TENM2: variants seen among roughly 807,000 people sequenced by gnomAD.
TENM2 encodes the protein teneurin-2.
In TENM2, 52 loss-of-function variants were observed where a neutral mutation model predicts 245.2. The ratio of observed to expected loss-of-function variants is 0.21; its 90% CI spans 0.17 to 0.27. The LOEUF is 0.27. TENM2 is among the 10% of genes least tolerant of loss of function. TENM2 has a pLI of 1.00. For missense variants in TENM2, 3,046 were observed against 3,666.8 expected, an observed-to-expected ratio of 0.83 and a Z score of 4.37; for synonymous variants, 1,363 against 1,438.9, an observed-to-expected ratio of 0.95 and a Z score of 1.19.
chr5:167,084,353 A>ACG, the TENM2 span, among the ~76,000 whole-genome samples: 4 of 110,920 alleles, frequency 3.6e-5, no homozygotes, highest in African/African-American at 1.2e-4. Flanking sequence ...ATATATATAT[A>ACG]TATATATATA....
intron 4 of TENM2, among the ~76,000 whole-genome samples, chr5:167,992,406 G>C (rs866219631): frequency 6.6e-6 from 1 of 152,144 alleles, no homozygotes; most frequent in Non-Finnish European, 1.5e-5. Context: ...TCAATAGTAG[G>C]TATCTAGCTC....
intron 2 of TENM2, among the ~76,000 whole-genome samples, chr5:167,594,019 A>T (rs947347541): frequency 6.6e-6 from 1 of 152,206 alleles, no homozygotes; most frequent in Admixed American, 6.5e-5. Context: ...CCTCATGCAT[A>T]CTTAGACTCT....
At chr5:168,117,586 A>G (rs1440844491) in intron 9 of TENM2, among the ~76,000 whole-genome samples, 2 of 152,226 alleles carry the variant, frequency 1.3e-5, no homozygotes, top group Non-Finnish European at 2.9e-5. Flanking sequence ...TAAATTCCTT[A>G]TTGTACCATA....
chr5:167,420,261 C>T (rs1581991531), intron 2 of TENM2, among the ~76,000 whole-genome samples: 1 of 152,158 alleles, frequency 6.6e-6, no homozygotes, highest in Non-Finnish European at 1.5e-5. Flanking sequence ...ATCTTAAAAT[C>T]CAGTTCTCAA....
intron 3 of TENM2, among the ~76,000 whole-genome samples, chr5:167,912,642 T>C (rs1256973110): frequency 6.6e-6 from 1 of 152,152 alleles, no homozygotes. Context: ...GTTATTCCTG[T>C]GCCCTGAGAT....
the TENM2 span, among the ~76,000 whole-genome samples, chr5:167,035,634 A>C: frequency 6.6e-6 from 1 of 152,380 alleles, no homozygotes; most frequent in South Asian, 2.1e-4. Flanking sequence ...AGCTCAGGAT[A>C]CAATAGCGAA....
At chr5:167,551,502 C>G (rs1582366585) in intron 2 of TENM2, among the ~76,000 whole-genome samples, 1 of 152,120 alleles carries the variant, frequency 6.6e-6, no homozygotes, top group East Asian at 1.9e-4. Context: ...GTCTTTGACA[C>G]TAAACTCATG....
intron 2 of TENM2, among the ~76,000 whole-genome samples, chr5:167,480,422 G>A (rs1017217165): frequency 6.6e-6 from 1 of 152,152 alleles, no homozygotes; most frequent in African/African-American, 2.4e-5. Context: ...ATAAGGAGGT[G>A]AGCAAGAGTT....
At chr5:167,671,387 C>A (rs1042539998) in intron 2 of TENM2, among the ~76,000 whole-genome samples, 1 of 152,046 alleles carries the variant, frequency 6.6e-6, no homozygotes, top group Non-Finnish European at 1.5e-5. Context: ...AATTTTATAA[C>A]CTGATGTTTT....
the TENM2 span, among the ~76,000 whole-genome samples, chr5:167,163,091 G>A: frequency 4.7e-4 from 72 of 152,298 alleles, 1 homozygote; most frequent in Admixed American, 1.5e-3. Flanking sequence ...TTCACCTCCT[G>A]TCTGGTAACC....
intron 1 of TENM2, among the ~76,000 whole-genome samples, chr5:167,349,471 A>G (rs1263895369): frequency 2.6e-5 from 4 of 152,188 alleles, no homozygotes; most frequent in African/African-American, 9.7e-5. Flanking sequence ...TCTGAGAGTG[A>G]GCTAATTGTG....
At chr5:166,994,209 C>T in the TENM2 span, among the ~76,000 whole-genome samples, 1 of 152,182 alleles carries the variant, frequency 6.6e-6, no homozygotes, top group Non-Finnish European at 1.5e-5. Context: ...AGCAGAATAT[C>T]TGCTTTGTGA....
At chr5:167,984,256 TG>T (rs1433784941) in intron 4 of TENM2, among the ~76,000 whole-genome samples, 1 of 152,204 alleles carries the variant, frequency 6.6e-6, no homozygotes, top group African/African-American at 2.4e-5. Context: ...ATCATGATGA[TG>T]ACAATGAGGA....
intron 2 of TENM2, among the ~76,000 whole-genome samples, chr5:167,577,345 G>A (rs987755721): frequency 7.9e-5 from 12 of 152,152 alleles, no homozygotes; most frequent in Non-Finnish European, 4.4e-5. Flanking sequence ...ACTTTAAGCC[G>A]ACCTAGTTCT....
At chr5:167,147,510 A>T in the TENM2 span, among the ~76,000 whole-genome samples, 5 of 152,154 alleles carry the variant, frequency 3.3e-5, no homozygotes, top group African/African-American at 4.8e-5. Context: ...ATGACAAGTT[A>T]AAAAATTCTT....
At chr5:167,525,235 G>T (rs1348234239) in intron 2 of TENM2, among the ~76,000 whole-genome samples, 1 of 152,090 alleles carries the variant, frequency 6.6e-6, no homozygotes, top group African/African-American at 2.4e-5. Context: ...ATACTTTGTG[G>T]GGTTGGTCTG....
rs138751740 is a variant in TENM2, at chr5:167,623,262, T to A, written c.502+247789T>A. Among the ~76,000 whole-genome samples, 381 of 152,288 alleles carry A rather than the reference T, an allele frequency of 2.5e-3. 4 individuals are homozygous for A. Among genetic ancestry groups the A allele is most frequent in the African/African-American group, 8.7e-3 (361 of 41,582 alleles). ...TTTTCTAATACTAGGTTCTATCTAT[T>A]ATTATTTCCGTTGTCCTGTTCTGTT... On this transcript the variant is annotated intron_variant, in intron 2 of 28. Transcript: ENST00000518659.
rs770012563 is a variant in TENM2 at position 167,396,374 on chromosome 5, G to A, written c.502+20901G>A. Among the ~76,000 whole-genome samples the A allele has an allele frequency of 5.0e-4, 76 of 152,104 alleles. 1 individual carries two copies. Among genetic ancestry groups the A allele is most frequent in the Admixed American group, 3.6e-3 (55 of 15,256 alleles). On this transcript the variant is annotated intron_variant, in intron 2 of 28. Coordinates refer to ENST00000518659, the Ensembl canonical transcript of TENM2. ...AGCCAATCTCAGAAGAACATATACAGCATGCATTCAATTATATGAAGTATC... is the reference window on the plus strand; with the variant it reads ...AGCCAATCTCAGAAGAACATATACAACATGCATTCAATTATATGAAGTATC...
At chr5:167,663,870 T>G (rs1755402384) in intron 2 of TENM2, among the ~76,000 whole-genome samples, 1 of 152,212 alleles carries the variant, frequency 6.6e-6, no homozygotes, top group African/African-American at 2.4e-5. Flanking sequence ...AAGTTCATTT[T>G]ATAATCAGAC....
Sources: allele counts gnomAD v4.1 joint callset (sites outside exome capture counted in the v4.1 genomes callset), GRCh38; gene constraint gnomAD v4.1.1; transcripts MANE v1.5; gene names NCBI Gene and HGNC (gene_info 2026-07-23, HGNC 2026-07-21).